Variants in NRXN3 observed in about 807,000 individuals in gnomAD.
NRXN3 encodes the protein neurexin III.
Under a neutral mutation model 137.6 loss-of-function variants are expected in NRXN3, and 32 were observed. That is an observed-to-expected ratio of 0.23 (90% CI 0.18 to 0.31). The LOEUF (loss-of-function observed/expected upper bound fraction) is 0.31, where lower values mean the gene tolerates loss of function less well. Among genes scored for constraint, NRXN3 ranks in the 10% least tolerant of loss-of-function variants. The pLI, the probability that NRXN3 is intolerant of heterozygous loss-of-function variation, is 1.00. For missense variants in NRXN3, 1,574 were observed against 2,062.5 expected, an observed-to-expected ratio of 0.76 and a Z score of 4.59; for synonymous variants, 798 against 784.5, an observed-to-expected ratio of 1.02 and a Z score of -0.29.
At chr14:78,841,557 GT>G (rs1428940633) in intron 10 of NRXN3, among the ~76,000 whole-genome samples, 2 of 151,914 alleles carry the variant, frequency 1.3e-5, no homozygotes, top group Non-Finnish European at 2.9e-5. Flanking sequence ...TTATGATGAT[GT>G]TTTCCCAAAT....
chr14:79,418,776 G>A (rs746815046), intron 15 of NRXN3, among the ~76,000 whole-genome samples: 6 of 152,190 alleles, frequency 3.9e-5, no homozygotes, highest in Non-Finnish European at 7.3e-5. Flanking sequence ...AGTCATAAAT[G>A]GAGAAAGTCT....
intron 4 of NRXN3, among the ~76,000 whole-genome samples, chr14:78,478,986 T>A (rs2095427016): frequency 6.6e-6 from 1 of 152,200 alleles, no homozygotes; most frequent in Non-Finnish European, 1.5e-5. Context: ...TCCAAGAAGT[T>A]ATAGTGAACA....
At chr14:78,299,568 C>T (rs1275939810) in intron 4 of NRXN3, among the ~76,000 whole-genome samples, 2 of 152,028 alleles carry the variant, frequency 1.3e-5, no homozygotes, top group Non-Finnish European at 2.9e-5. Context: ...TTTATAGTGG[C>T]TTGGAGAACT....
In NRXN3 at chr14:78,272,604, C is replaced by G. The variant is rs1452605400; in HGVS notation, c.710-6041C>G. ...GGCATTACTGCATTTTACCCCTTTC[C>G]TCTGTCCCTTGAAATACCTTTTTCT... On this transcript the variant is annotated intron_variant, in intron 2 of 20. Transcript: ENST00000335750. Among the ~76,000 whole-genome samples, 3 of 152,218 alleles carry G rather than the reference C, an allele frequency of 2.0e-5. No homozygotes were observed. In the East Asian group the frequency reaches 5.8e-4, roughly 29 times the overall value.
chr14:79,165,009 G>A (rs1239093232), intron 15 of NRXN3, among the ~76,000 whole-genome samples: 2 of 151,916 alleles, frequency 1.3e-5, no homozygotes, highest in South Asian at 2.1e-4. Flanking sequence ...TAATATTGTA[G>A]TATTAATAAA....
At chr14:78,325,768 A>C (rs553784593) in intron 4 of NRXN3, among the ~76,000 whole-genome samples, 1 of 152,014 alleles carries the variant, frequency 6.6e-6, no homozygotes, top group South Asian at 2.1e-4. Context: ...CCCTGTTTCC[A>C]TTTGTACAAA....
At chr14:78,850,212 G>A (rs998128458) in intron 10 of NRXN3, among the ~76,000 whole-genome samples, 7 of 152,070 alleles carry the variant, frequency 4.6e-5, no homozygotes, top group African/African-American at 1.4e-4. Flanking sequence ...TAATGCCAGA[G>A]CAGGAAGGGC....
In NRXN3 at chr14:78,931,162, A is replaced by G. The variant is rs560834750; in HGVS notation, c.2276-26080A>G. Among the ~76,000 whole-genome samples the G allele has an allele frequency of 9.2e-5, 14 of 152,232 alleles. No homozygotes were observed. The East Asian group carries it at 2.3e-3, about 25-fold the overall frequency. ...TTTTTTTTCCTAAATATCCTTCACT[A>G]GAAGGCAGAATTAATCAACCTTTGT... On this transcript the variant is annotated intron_variant, in intron 10 of 20. Transcript: ENST00000335750.
At chr14:78,974,409 A>G (rs1047283783) in intron 14 of NRXN3, among the ~76,000 whole-genome samples, 2 of 152,218 alleles carry the variant, frequency 1.3e-5, no homozygotes, top group African/African-American at 4.8e-5. Flanking sequence ...CTCACCTAGA[A>G]AATCTGGACA....
intron 14 of NRXN3, among the ~76,000 whole-genome samples, chr14:78,977,218 C>T (rs1176322435): frequency 6.6e-6 from 1 of 152,262 alleles, no homozygotes; most frequent in Non-Finnish European, 1.5e-5. Flanking sequence ...ATTTCCAAAG[C>T]AGAAAGAGTA....
intron 19 of NRXN3, among the ~76,000 whole-genome samples, chr14:79,707,712 T>A (rs2098786509): frequency 6.6e-6 from 1 of 152,182 alleles, no homozygotes; most frequent in Non-Finnish European, 1.5e-5. Flanking sequence ...GGCAATTAGC[T>A]TCCTTGGGCC....
intron 19 of NRXN3, among the ~76,000 whole-genome samples, chr14:79,783,068 C>A (rs1268077691): frequency 6.6e-6 from 1 of 152,210 alleles, no homozygotes; most frequent in Non-Finnish European, 1.5e-5. Context: ...TACATTACCA[C>A]TGCCTATCTT....
intron 15 of NRXN3, among the ~76,000 whole-genome samples, chr14:79,209,416 A>C (rs1424322055): frequency 6.6e-6 from 1 of 152,066 alleles, no homozygotes; most frequent in Non-Finnish European, 1.5e-5. Context: ...TACTAGGGAA[A>C]CTTCTCCAAA....
intron 10 of NRXN3, among the ~76,000 whole-genome samples, chr14:78,839,816 A>C (rs913792766): frequency 6.6e-6 from 1 of 152,210 alleles, no homozygotes; most frequent in Non-Finnish European, 1.5e-5. Context: ...CCACATCTGC[A>C]TGCATAAACA....
rs1312912075 is a variant in NRXN3 at position 79,358,591 on chromosome 14, GAA to G, written c.3263-108628_3263-108627del. On this transcript the variant is annotated intron_variant, in intron 15 of 20. Transcript: ENST00000335750. The stretch of plus-strand genomic sequence containing the variant: ...AAAAAAAAAGAAAGAAAGAGAGAAA[GAA>G]AGAAAGAAAGAAAGAGAAAGAAAGA... Among the ~76,000 whole-genome samples, 7 of 92,116 alleles carry G rather than the reference GAA, an allele frequency of 7.6e-5. No individual in the cohort carries two copies. In the South Asian group the frequency reaches 3.3e-3, roughly 43 times the overall value. 60.4% of individuals were successfully genotyped at this position (92,116 alleles called of 152,430 possible). A position where few individuals can be genotyped will look rare whatever the true frequency, so the allele number is the denominator to read the frequency against.
chr14:78,719,652 T>C (rs1189750904), intron 8 of NRXN3, among the ~76,000 whole-genome samples: 1 of 151,982 alleles, frequency 6.6e-6, no homozygotes, highest in East Asian at 1.9e-4. Context: ...GACCAGCCTG[T>C]CCAACATGGC....
chr14:79,739,980 C>G (rs771742360), intron 19 of NRXN3, among the ~76,000 whole-genome samples: 6 of 152,114 alleles, frequency 3.9e-5, no homozygotes, highest in Non-Finnish European at 8.8e-5. Context: ...CAATTTCCAG[C>G]TGCCCTCTGA....
intron 6 of NRXN3, among the ~76,000 whole-genome samples, chr14:78,702,658 G>T (rs2098298376): frequency 6.6e-6 from 1 of 151,924 alleles, no homozygotes; most frequent in South Asian, 2.1e-4. Flanking sequence ...TGGCCATGCT[G>T]GTCTTGAACT....
At chr14:78,300,977 G>A (rs996014094) in intron 4 of NRXN3, among the ~76,000 whole-genome samples, 23 of 152,118 alleles carry the variant, frequency 1.5e-4, no homozygotes, top group African/African-American at 5.1e-4. Context: ...GGGGGAGGGT[G>A]TTCTAAGATC....
Sources: allele counts gnomAD v4.1 joint callset (sites outside exome capture counted in the v4.1 genomes callset), GRCh38; gene constraint gnomAD v4.1.1; transcripts MANE v1.5; gene names NCBI Gene and HGNC (gene_info 2026-07-23, HGNC 2026-07-21).